ERC2: variants seen among roughly 807,000 people sequenced by gnomAD.
The protein encoded by ERC2 is ELKS/RAB6-interacting/CAST family member 2, also known as ERC protein 2.
A neutral mutation model predicts 114.8 loss-of-function variants in ERC2; 42 were observed. The ratio of observed to expected loss-of-function variants is 0.37; its 90% confidence interval spans 0.29 to 0.47. The LOEUF is 0.47. Among genes scored for constraint, ERC2 ranks in the 20% least tolerant of loss-of-function variants. ERC2 has a pLI of 0.99. For missense variants in ERC2, 939 were observed against 1,150.7 expected (o/e 0.82, Z 2.66); for synonymous variants, 454 against 425.5 (o/e 1.07, Z -0.82).
intron 2 of ERC2, among the ~76,000 whole-genome samples, chr3:56,327,465 T>G (rs561488232): frequency 1.3e-5 from 2 of 152,186 alleles, no homozygotes. Context: ...CAAAGTGGTA[T>G]GGACACAAAG....
chr3:55,818,581 G>T (rs1346154499), intron 14 of ERC2, among the ~76,000 whole-genome samples: 1 of 152,112 alleles, frequency 6.6e-6, no homozygotes, highest in Non-Finnish European at 1.5e-5. Context: ...ACTCTCACTG[G>T]CTACTTGCAA....
rs111660003 is a variant in ERC2, at chr3:56,175,563, C to T, written c.1075-2043G>A. Among the ~76,000 whole-genome samples, 1,458 of 152,164 alleles carry T rather than the reference C, an allele frequency of 9.6e-3. 27 individuals are homozygous for T. Among genetic ancestry groups the T allele is most frequent in the African/African-American group, 0.033 (1,360 of 41,512 alleles). ...TATTGAGCATCTGTGATGTCCCTAG[C>T]GCTGCTTGTCTCATTCAAGCCTCAG... On this transcript the variant is annotated intron_variant, in intron 3 of 17. Coordinates refer to ENST00000288221, the MANE Select transcript of ERC2 (RefSeq NM_015576.3).
intron 3 of ERC2, among the ~76,000 whole-genome samples, chr3:56,183,170 A>C (rs2083382305): frequency 6.6e-6 from 1 of 152,246 alleles, no homozygotes; most frequent in Non-Finnish European, 1.5e-5. Context: ...CACCAAGGAA[A>C]ACCTCAGATG....
chr3:55,514,203 C>T (rs1204947663), intron 17 of ERC2, among the ~76,000 whole-genome samples: 2 of 152,084 alleles, frequency 1.3e-5, no homozygotes, highest in Non-Finnish European at 2.9e-5. Flanking sequence ...TGGAGACCAA[C>T]CTGGGCAACA....
intron 17 of ERC2, among the ~76,000 whole-genome samples, chr3:55,558,331 A>C (rs2055765148): frequency 6.6e-6 from 1 of 152,232 alleles, no homozygotes; most frequent in African/African-American, 2.4e-5. Flanking sequence ...GTATGAATAA[A>C]AGAACCCAGA....
intron 14 of ERC2, among the ~76,000 whole-genome samples, chr3:55,780,037 A>G (rs923604476): frequency 6.6e-6 from 1 of 152,226 alleles, no homozygotes; most frequent in Non-Finnish European, 1.5e-5. Context: ...GAATAAGAGC[A>G]TATCTCTTTA....
chr3:55,769,200 C>T (rs2068028569), intron 14 of ERC2, among the ~76,000 whole-genome samples: 3 of 152,132 alleles, frequency 2.0e-5, no homozygotes, highest in African/African-American at 7.2e-5. Flanking sequence ...TTACCTAAGA[C>T]TTGCCCTCTT....
chr3:55,614,011 A>AAAG (rs1559744670), intron 17 of ERC2, among the ~76,000 whole-genome samples: 1 of 126,274 alleles, frequency 7.9e-6, no homozygotes, highest in African/African-American at 2.8e-5. Context: ...AAAAAAAAAA[A>AAAG]AAGAAGACAT....
At chr3:56,254,922 T>C (rs2052415721) in intron 3 of ERC2, among the ~76,000 whole-genome samples, 1 of 152,206 alleles carries the variant, frequency 6.6e-6, no homozygotes, top group African/African-American at 2.4e-5. Flanking sequence ...AAGATAATAA[T>C]TTAGCTAATT....
chr3:56,196,931 C>T (rs1261985712), intron 3 of ERC2, among the ~76,000 whole-genome samples: 1 of 152,120 alleles, frequency 6.6e-6, no homozygotes, highest in African/African-American at 2.4e-5. Flanking sequence ...CCCAGCATGA[C>T]ACTCTGAAGC....
At chr3:55,544,369 G>A (rs747249314) in intron 17 of ERC2, among the ~76,000 whole-genome samples, 6 of 152,080 alleles carry the variant, frequency 3.9e-5, no homozygotes, top group Non-Finnish European at 8.8e-5. Flanking sequence ...TTTTATTAGT[G>A]ACTGATGTGC....
At chr3:56,138,051 CTTTTTTTTTTTT>C (rs920983143) in intron 6 of ERC2, among the ~76,000 whole-genome samples, 1 of 92,632 alleles carries the variant, frequency 1.1e-5, no homozygotes, top group Non-Finnish European at 2.3e-5. Flanking sequence ...AATGGTATTT[CTTTTTTTTTTTT>C]TTTTTTTTTT....
At chr3:55,989,293 A>T (rs2070873815) in intron 11 of ERC2, among the ~76,000 whole-genome samples, 1 of 152,234 alleles carries the variant, frequency 6.6e-6, no homozygotes. Flanking sequence ...AAAAATCTGA[A>T]TATTCTTGAT....
At chr3:56,151,709 A>T (rs1304231403) in intron 4 of ERC2, among the ~76,000 whole-genome samples, 3 of 152,158 alleles carry the variant, frequency 2.0e-5, no homozygotes, top group Non-Finnish European at 2.9e-5. Flanking sequence ...CATGACTAAA[A>T]CCTAATCTAT....
intron 3 of ERC2, among the ~76,000 whole-genome samples, chr3:56,258,092 G>A (rs553027343): frequency 1.5e-4 from 23 of 152,350 alleles, no homozygotes; most frequent in Admixed American, 1.3e-3. Flanking sequence ...TCCTCTGGAT[G>A]CAGCAGGACT....
chr3:56,195,318 T>G (rs1005086963), intron 3 of ERC2, among the ~76,000 whole-genome samples: 2 of 152,176 alleles, frequency 1.3e-5, no homozygotes, highest in Non-Finnish European at 2.9e-5. Flanking sequence ...GATTTCATCA[T>G]GCTACTTAGA....
At chr3:55,572,090 G>A (rs766947832) in intron 17 of ERC2, among the ~76,000 whole-genome samples, 2 of 152,346 alleles carry the variant, frequency 1.3e-5, no homozygotes, top group Non-Finnish European at 2.9e-5. Context: ...GAGGGAGGTG[G>A]CGTTGGGACA....
intron 3 of ERC2, 28 bp downstream of exon 3, chr3:56,295,991 T>G (rs2150356987): frequency 6.5e-7 from 1 of 1,528,530 alleles, no homozygotes. Context: ...AAATTAAGGC[T>G]TTGGGGAAAT....
At chr3:55,941,230 C>A (rs1017553132) in intron 13 of ERC2, among the ~76,000 whole-genome samples, 2 of 151,930 alleles carry the variant, frequency 1.3e-5, no homozygotes, top group Non-Finnish European at 2.9e-5. Flanking sequence ...GTTGCGTGTA[C>A]CTGCCATGGG....
Sources: gnomAD v4.1 joint callset for allele counts (sites outside exome capture counted in the v4.1 genomes callset) on GRCh38, gnomAD v4.1.1 for gene constraint, MANE v1.5 for transcripts, NCBI Gene and HGNC (gene_info 2026-07-23, HGNC 2026-07-21) for gene names.